AGK: variants seen among roughly 807,000 people sequenced by gnomAD.
AGK encodes acylglycerol kinase, mitochondrial.
A neutral mutation model predicts 66.4 loss-of-function variants in AGK; 52 were observed. The ratio of observed to expected loss-of-function variants is 0.78; its 90% CI spans 0.63 to 0.99. The LOEUF (loss-of-function observed/expected upper bound fraction) is 0.99. AGK is among the 50% of genes least tolerant of loss of function. AGK has a pLI of 0.00. For missense variants in AGK, 451 were observed against 506.6 expected (o/e 0.89, Z 1.05); for synonymous variants, 182 against 181.1 (o/e 1.00, Z -0.04).
chr7:141,593,021 G>A, intron 2 of AGK, 125 bp from the exon 3 acceptor site: 2 of 776,264 alleles, frequency 2.6e-6, no homozygotes, highest in Non-Finnish European at 4.2e-6. Flanking sequence ...AGGTTTTTAA[G>A]GAACTTTCAC....
chr7:141,599,862 A>C (rs1214084387), intron 4 of AGK, among the ~76,000 whole-genome samples: 1 of 152,094 alleles, frequency 6.6e-6, no homozygotes, highest in East Asian at 1.9e-4. Context: ...CTTATAATAC[A>C]CTCAGGCCCT....
At chr7:141,573,550 A>G (rs999546108) in intron 2 of AGK, among the ~76,000 whole-genome samples, 1 of 152,232 alleles carries the variant, frequency 6.6e-6, no homozygotes, top group Non-Finnish European at 1.5e-5. Context: ...TGCTAAAACT[A>G]GACCCTCTGT....
intron 5 of AGK, among the ~76,000 whole-genome samples, chr7:141,610,857 C>T (rs1796569811): frequency 6.6e-6 from 1 of 152,178 alleles, no homozygotes; most frequent in Non-Finnish European, 1.5e-5. Flanking sequence ...TGCATGTACA[C>T]TTGACTTCCT....
chr7:141,629,055 T>G (rs534490261), intron 9 of AGK, among the ~76,000 whole-genome samples: 7 of 152,344 alleles, frequency 4.6e-5, no homozygotes, highest in South Asian at 2.1e-4. Context: ...CCTGGCTAAT[T>G]ACATGGACTC....
At chr7:141,615,037 T>A (rs575939151) in intron 7 of AGK, among the ~76,000 whole-genome samples, 13 of 152,238 alleles carry the variant, frequency 8.5e-5, no homozygotes, top group Non-Finnish European at 1.5e-4. Flanking sequence ...CTTTGCCTTA[T>A]TTGTACTTAA....
chr7:141,611,132 T>C, intron 5 of AGK, 63 bp from the exon 6 acceptor site: 1 of 1,067,378 alleles, frequency 9.4e-7, no homozygotes, highest in Non-Finnish European at 1.4e-6. Flanking sequence ...TCCCACATTT[T>C]TAAACCTTTA....
intron 3 of AGK, 153 bp downstream of exon 3, chr7:141,593,338 C>CT (rs1454526343): frequency 1.4e-6 from 1 of 731,284 alleles, no homozygotes; most frequent in African/African-American, 1.7e-5. Flanking sequence ...GGAGCCAACT[C>CT]TGAGTAGAAC....
At chr7:141,632,772 C>G (rs1248623092) in intron 9 of AGK, among the ~76,000 whole-genome samples, 1 of 152,182 alleles carries the variant, frequency 6.6e-6, no homozygotes, top group Non-Finnish European at 1.5e-5. Flanking sequence ...AAAGCAGGTA[C>G]AGAGAGTGAA....
At chr7:141,560,702 A>G (rs1323427946) in intron 2 of AGK, among the ~76,000 whole-genome samples, 3 of 151,788 alleles carry the variant, frequency 2.0e-5, no homozygotes, top group Non-Finnish European at 2.9e-5. Flanking sequence ...CTTATAAATG[A>G]GAATATATGA....
intron 8 of AGK, among the ~76,000 whole-genome samples, chr7:141,617,466 T>C (rs973070926): frequency 5.9e-5 from 9 of 152,228 alleles, no homozygotes; most frequent in African/African-American, 2.2e-4. Flanking sequence ...CAGAGTTCTG[T>C]AGGCCTCATA....
rs970018094 is a variant in AGK, at chr7:141,555,556, T to C, written c.90T>C (p.Tyr30=). The change falls in exon 2 of 16, where the codon TAT becomes TAC. Residue 30 remains tyrosine, a synonymous_variant. Transcript: ENST00000649286. The surrounding 1 kb of genome is among the most constrained non-coding windows in gnomAD (Gnocchi z 4.2). ...CLLTWGGHWL[Y]GKHCDNLLRR... The stretch of plus-strand genomic sequence containing the variant: ...TGACCTGGGGAGGCCATTGGCTCTA[T>C]GGAAAACACTGGTAACTATCTGACA... 6.2e-7 allele frequency: 1 copy of C among 1,612,784 alleles called. No individual in the cohort carries two copies. Among genetic ancestry groups the C allele is most frequent in the African/African-American group, 1.3e-5 (1 of 74,868 alleles).
intron 2 of AGK, among the ~76,000 whole-genome samples, chr7:141,559,974 T>C (rs1320492113): frequency 1.3e-5 from 2 of 152,162 alleles, no homozygotes; most frequent in African/African-American, 4.8e-5. Context: ...AACAGCTTTT[T>C]TTTTTGGTGT....
intron 2 of AGK, among the ~76,000 whole-genome samples, chr7:141,564,833 G>T (rs1434054602): frequency 1.3e-5 from 2 of 151,948 alleles, no homozygotes; most frequent in East Asian, 1.9e-4. Flanking sequence ...GGGTTCAAGC[G>T]ATTCTCCTGT....
chr7:141,593,077 G>A lies in AGK; in HGVS notation c.102-69G>A. ...GGTGCCTATATTAAAAAATTAAAAA[G>A]CTCACAAATTTTGTTTGGATCATAA... On this transcript the variant is annotated intron_variant, in intron 2 of 15. Transcript: ENST00000649286. The A allele has an allele frequency of 2.2e-6, 3 of 1,395,342 alleles. No homozygotes were observed. The Admixed American group carries it at 5.5e-5, about 26-fold the overall frequency. The allele number at this position is 1,395,342 out of a possible 1,614,324, so 86.4% of individuals were successfully genotyped here.
chr7:141,555,668 A>G lies in AGK; in HGVS notation c.101+101A>G. 1.3e-6 allele frequency: 1 copy of G among 791,146 alleles called. No individual in the cohort carries two copies. Among genetic ancestry groups the G allele is most frequent in the Non-Finnish European group, 2.0e-6 (1 of 494,610 alleles). 49.0% of individuals were successfully genotyped at this position (791,146 alleles called of 1,614,324 possible). A position where few individuals can be genotyped will look rare whatever the true frequency, so the allele number is the denominator to read the frequency against. On this transcript the variant is annotated intron_variant, in intron 2 of 15. Coordinates refer to ENST00000649286, the MANE Select transcript of AGK (RefSeq NM_018238.4). This position sits in a 1 kb window ranked among gnomAD's most constrained non-coding sequence, Gnocchi z 4.2. ...GCTCAGCTGTGCTTATCCCTATAAA[A>G]CATGTGGTGTAAAAGAAAAATAAAT... is the stretch of plus-strand genomic sequence containing the variant.
rs182191211 is a variant in AGK, at chr7:141,557,303, A to G, written c.101+1736A>G. Among the ~76,000 whole-genome samples the G allele has an allele frequency of 5.7e-3, 873 of 152,364 alleles. 8 individuals are homozygous for G. The highest frequency in any genetic ancestry group is 0.02 in the Middle Eastern group (6 of 294). On this transcript the variant is annotated intron_variant, in intron 2 of 15. Coordinates refer to ENST00000649286, the MANE Select transcript of AGK (RefSeq NM_018238.4). ...GCCAGGCATTCAAATTCCATTAGCC[A>G]GCATCTAAGGAAAAAAGCAGACATA...
At chr7:141,646,989 T>G (rs1797426313) in intron 13 of AGK, among the ~76,000 whole-genome samples, 1 of 152,156 alleles carries the variant, frequency 6.6e-6, no homozygotes, top group Admixed American at 6.5e-5. Context: ...TTCCTCCCCT[T>G]GTATGCTGGG....
chr7:141,615,792 A>G (rs933028952), intron 8 of AGK: 1 of 518,074 alleles, frequency 1.9e-6, no homozygotes, highest in Non-Finnish European at 3.5e-6. Context: ...TGAATACTTG[A>G]TGTCCTTTTG....
chr7:141,634,462 G>A (rs1040323611), intron 10 of AGK, among the ~76,000 whole-genome samples: 3 of 152,188 alleles, frequency 2.0e-5, no homozygotes, highest in African/African-American at 7.2e-5. Flanking sequence ...AAGAAAGGCG[G>A]CGCCTGGCTG....
Sources: gnomAD v4.1 joint callset for allele counts (sites outside exome capture counted in the v4.1 genomes callset) on GRCh38, gnomAD v4.1.1 for gene constraint, Gnocchi (gnomAD v3.1) non-coding constraint, MANE v1.5 for transcripts, NCBI Gene and HGNC (gene_info 2026-07-23, HGNC 2026-07-21) for gene names.